Variants in OTOG observed in about 807,000 individuals in gnomAD.
OTOG encodes the protein otogelin.
Under a neutral mutation model 313.8 loss-of-function variants are expected in OTOG, and 296 were observed. The ratio of observed to expected loss-of-function variants is 0.94; its 90% CI spans 0.86 to 1.04. The LOEUF is 1.04. Among genes scored for constraint, OTOG ranks in the 50% least tolerant of loss-of-function variants. The probability of loss-of-function intolerance (pLI) is 0.00; values close to 1 mark genes in which losing one functional copy is unlikely to be tolerated. For missense variants in OTOG, 3,948 were observed against 3,840.1 expected (o/e 1.03, Z -0.74); for synonymous variants, 1,533 against 1,554.9 (o/e 0.99, Z 0.33).
chr11:17,555,398 G>A (rs1201031223), intron 6 of OTOG, among the ~76,000 whole-genome samples: 2 of 152,140 alleles, frequency 1.3e-5, no homozygotes, highest in African/African-American at 4.8e-5. Context: ...TTTGTGTTCT[G>A]TATGAGTGTG....
chr11:17,550,636 C>T (rs1343745582), intron 3 of OTOG, among the ~76,000 whole-genome samples: 1 of 152,180 alleles, frequency 6.6e-6, no homozygotes, highest in African/African-American at 2.4e-5. Context: ...AGTGAGGACA[C>T]GAAGACTGAG....
rs778936250 is a variant in OTOG at position 17,548,123 on chromosome 11, C to A, written c.156-29C>A. On this transcript the variant is annotated intron_variant, in intron 2 of 55. Coordinates refer to ENST00000399397, the MANE Select transcript of OTOG (RefSeq NM_001292063.2). ...GGAGGCATAACCCATCCTAGCCCCC[C>A]ATCCATGCCAGACTCGTGTTTCCTC... 4 of 1,539,952 alleles carry A rather than the reference C, an allele frequency of 2.6e-6. No homozygotes were observed. Among genetic ancestry groups the A allele is most frequent in the Admixed American group, 2.0e-5 (1 of 50,332 alleles).
chr11:17,578,615 C>T (rs1476448323), intron 23 of OTOG, 89 bp downstream of exon 23: 2 of 1,424,932 alleles, frequency 1.4e-6, no homozygotes, highest in South Asian at 1.5e-5. Flanking sequence ...GAAAACATCA[C>T]ATGGCCTTGT....
At chr11:17,564,256 C>T (rs545705602) in intron 15 of OTOG, among the ~76,000 whole-genome samples, 4 of 152,178 alleles carry the variant, frequency 2.6e-5, no homozygotes, top group African/African-American at 9.7e-5. Flanking sequence ...GGGAGGTCAG[C>T]GTGTCCTCAG....
chr11:17,569,112 A>T (rs779006741), intron 15 of OTOG, 44 bp from the exon 16 acceptor site: 52 of 1,548,634 alleles, frequency 3.4e-5, no homozygotes, highest in Non-Finnish European at 4.5e-5. Context: ...ATCCAGCAGG[A>T]GGGTCAGACC....
chr11:17,613,415 C>T (rs1320731575), intron 38 of OTOG, among the ~76,000 whole-genome samples, 197 bp from the exon 39 acceptor site: 1 of 125,296 alleles, frequency 8.0e-6, no homozygotes, highest in African/African-American at 3.5e-5. Flanking sequence ...CTGTTTTGGT[C>T]TGGGCTTGCA....
chr11:17,556,040 C>T, intron 7 of OTOG, 143 bp downstream of exon 7: 1 of 642,468 alleles, frequency 1.6e-6, no homozygotes, highest in Non-Finnish European at 2.7e-6. Flanking sequence ...CGGAAGCATA[C>T]TGGCAGATCA....
chr11:17,630,464 G>C (rs1276282031), intron 40 of OTOG, among the ~76,000 whole-genome samples: 2 of 152,194 alleles, frequency 1.3e-5, no homozygotes, highest in Non-Finnish European at 1.5e-5. Context: ...ATTAATAAGA[G>C]TTTGCCTTTA....
At chr11:17,559,909 G>A (rs924630438) in intron 12 of OTOG, among the ~76,000 whole-genome samples, 3 of 148,704 alleles carry the variant, frequency 2.0e-5, no homozygotes, top group African/African-American at 2.5e-5. Context: ...AGGGAGGAAG[G>A]AAGGAAAGAA....
At chr11:17,561,629 C>T in intron 14 of OTOG, 33 bp from the exon 15 acceptor site, 2 of 1,550,326 alleles carry the variant, frequency 1.3e-6, no homozygotes, top group South Asian at 1.2e-5. Flanking sequence ...TGGGGCGGCT[C>T]CCATGGGTCA....
chr11:17,561,636 G>GCCGCC, intron 14 of OTOG, 26 bp from the exon 15 acceptor site: 1 of 1,550,494 alleles, frequency 6.4e-7, no homozygotes, highest in South Asian at 1.2e-5. Context: ...GCTCCCATGG[G>GCCGCC]TCAGTGGCCT....
intron 55 of OTOG, 34 bp downstream of exon 55, chr11:17,645,677 A>G: frequency 1.9e-6 from 3 of 1,550,712 alleles, no homozygotes; most frequent in Non-Finnish European, 2.6e-6. Flanking sequence ...GGGGCAGCAA[A>G]AAATGGGATG....
intron 27 of OTOG, 130 bp from the exon 28 acceptor site, chr11:17,593,917 C>T (rs1853022107): frequency 2.1e-6 from 3 of 1,403,472 alleles, no homozygotes; most frequent in Non-Finnish European, 2.9e-6. Context: ...TTGCTCCATC[C>T]CTCTTCAAAC....
intron 1 of OTOG, 124 bp downstream of exon 1, chr11:17,547,590 G>A: frequency 3.2e-6 from 4 of 1,269,472 alleles, no homozygotes; most frequent in Non-Finnish European, 3.0e-6. Flanking sequence ...AGAGCAGAGG[G>A]ACACCCAGGA....
At chr11:17,566,273 T>C (rs1038734639) in intron 15 of OTOG, among the ~76,000 whole-genome samples, 4 of 152,188 alleles carry the variant, frequency 2.6e-5, no homozygotes, top group Non-Finnish European at 4.4e-5. Flanking sequence ...CCTAATACAA[T>C]GTAAATGCTT....
chr11:17,586,671 A>T, intron 24 of OTOG, 90 bp downstream of exon 24: 2 of 604,888 alleles, frequency 3.3e-6, no homozygotes, highest in Admixed American at 8.8e-5. Flanking sequence ...TAGCATTCCC[A>T]TTTCATTATG....
chr11:17,549,880 C>T (rs1250610755), intron 3 of OTOG, among the ~76,000 whole-genome samples: 1 of 152,048 alleles, frequency 6.6e-6, no homozygotes, highest in African/African-American at 2.4e-5. Context: ...GCTCATGTAC[C>T]AGGGATACTT....
At chr11:17,562,920 A>AG (rs1331613527) in intron 15 of OTOG, among the ~76,000 whole-genome samples, 1 of 152,086 alleles carries the variant, frequency 6.6e-6, no homozygotes, top group Non-Finnish European at 1.5e-5. Context: ...TGGGCCCTAT[A>AG]GTTTGGTGGG....
rs544719328 is a variant in OTOG, at chr11:17,638,622, C to A, written c.7894+73C>A. On this transcript the variant is annotated intron_variant, in intron 48 of 55. Transcript: ENST00000399397. Reference sequence around the variant, plus strand: ...CTGCTGAGGAGGGATTGAGGGAGCCCGGCCTACCACCGTCCACTCCTCTCA... The same window carrying A: ...CTGCTGAGGAGGGATTGAGGGAGCCAGGCCTACCACCGTCCACTCCTCTCA... 6.1e-5 allele frequency: 92 copies of A among 1,502,350 alleles called. No homozygotes were observed. The African/African-American group carries it at 1.1e-3, about 18-fold the overall frequency. The allele number at this position is 1,502,350 out of a possible 1,614,324, so 93.1% of individuals were successfully genotyped here.
Sources: gnomAD v4.1 joint callset for allele counts (sites outside exome capture counted in the v4.1 genomes callset) on GRCh38, gnomAD v4.1.1 for gene constraint, MANE v1.5 for transcripts, NCBI Gene and HGNC (gene_info 2026-07-23, HGNC 2026-07-21) for gene names.